The following RCL1 variants were observed in gnomAD, a reference collection of about 807,000 sequenced individuals.
RCL1 encodes RNA 3'-terminal phosphate cyclase-like protein.
RCL1 carries 24 observed loss-of-function variants against 42.4 expected under a neutral mutation model. That is an observed-to-expected ratio of 0.57 (90% CI 0.41 to 0.80). The LOEUF is 0.80. Ranked by LOEUF, RCL1 falls within the 30% of genes least tolerant of loss-of-function variation. The probability of loss-of-function intolerance (pLI) is 0.00; values close to 1 mark genes in which losing one functional copy is unlikely to be tolerated. For missense variants in RCL1, 578 were observed against 467.9 expected (o/e 1.24, Z -2.17); for synonymous variants, 228 against 177.3 (o/e 1.29, Z -2.27).
At chr9:4,843,830 A>G (rs988617764) in intron 6 of RCL1, among the ~76,000 whole-genome samples, 2 of 152,074 alleles carry the variant, frequency 1.3e-5, no homozygotes, top group African/African-American at 4.8e-5. Flanking sequence ...TGGTCAGGTG[A>G]CTCAAAGGCA....
intron 1 of RCL1, among the ~76,000 whole-genome samples, chr9:4,795,604 C>A (rs1480726371): frequency 6.6e-6 from 1 of 152,128 alleles, no homozygotes; most frequent in African/African-American, 2.4e-5. Context: ...CGTCATCTGT[C>A]CCTTTCTGAC....
At chr9:4,820,608 A>T (rs900825904) in intron 1 of RCL1, among the ~76,000 whole-genome samples, 1 of 152,142 alleles carries the variant, frequency 6.6e-6, no homozygotes, top group African/African-American at 2.4e-5. Flanking sequence ...AATTTGTAAA[A>T]ATCTGTGGGG....
At position 4,837,097 on chromosome 9, in the gene RCL1, C is replaced by T. The variant is rs919221743; in HGVS notation, c.584+2832C>T. ...GATATTCAACTCTAGTATCCAAATCCGAGGAGCTGGAATAAGGTTAATTAG... is the reference window on the plus strand; with the variant it reads ...GATATTCAACTCTAGTATCCAAATCTGAGGAGCTGGAATAAGGTTAATTAG... On this transcript the variant is annotated intron_variant, in intron 5 of 8. Coordinates refer to ENST00000381750, the MANE Select transcript of RCL1 (RefSeq NM_005772.5). Among the ~76,000 whole-genome samples, 7 of 152,120 alleles carry T rather than the reference C, an allele frequency of 4.6e-5. No homozygotes were observed. In the South Asian group the frequency reaches 8.3e-4, roughly 18 times the overall value.
intron 8 of RCL1, among the ~76,000 whole-genome samples, chr9:4,853,747 A>G (rs1327642762): frequency 6.6e-6 from 1 of 152,174 alleles, no homozygotes; most frequent in Non-Finnish European, 1.5e-5. Flanking sequence ...TCTGCTGTAA[A>G]ATGATCTCTT....
chr9:4,796,383 C>G (rs924693728), intron 1 of RCL1, among the ~76,000 whole-genome samples: 1 of 152,148 alleles, frequency 6.6e-6, no homozygotes, highest in Non-Finnish European at 1.5e-5. Context: ...GCCTCTAGCT[C>G]CATGTTGTTG....
At chr9:4,827,106 G>A (rs757781475) in intron 3 of RCL1, 73 bp downstream of exon 3, 1 of 1,601,348 alleles carries the variant, frequency 6.2e-7, no homozygotes, top group Non-Finnish European at 8.5e-7. Context: ...TGAGAAAAAA[G>A]TTCCTTATAA....
chr9:4,835,286 G>A (rs557873691), intron 5 of RCL1, among the ~76,000 whole-genome samples: 1 of 152,206 alleles, frequency 6.6e-6, no homozygotes, highest in Non-Finnish European at 1.5e-5. Context: ...AGTAAGGAGG[G>A]AAGTAAGAGT....
chr9:4,809,010 G>C (rs978140622), intron 1 of RCL1, among the ~76,000 whole-genome samples: 15 of 152,048 alleles, frequency 9.9e-5, no homozygotes, highest in African/African-American at 3.4e-4. Flanking sequence ...ATATTCCCAA[G>C]AAGCAGTCTT....
At chr9:4,834,914 A>G (rs1263458227) in intron 5 of RCL1, among the ~76,000 whole-genome samples, 1 of 152,232 alleles carries the variant, frequency 6.6e-6, no homozygotes, top group African/African-American at 2.4e-5. Flanking sequence ...TAATAATGAC[A>G]GAGCTAGGAT....
At chr9:4,855,815 A>G (rs1817940549) in intron 8 of RCL1, among the ~76,000 whole-genome samples, 1 of 152,156 alleles carries the variant, frequency 6.6e-6, no homozygotes, top group Non-Finnish European at 1.5e-5. Flanking sequence ...AGTGGAACTA[A>G]CTTTGCTTTT....
At chr9:4,841,413 A>G in intron 6 of RCL1, 56 bp downstream of exon 6, 1 of 1,436,086 alleles carries the variant, frequency 7.0e-7, no homozygotes, top group Non-Finnish European at 9.7e-7. Flanking sequence ...TGCCTGTTCT[A>G]GTTGAAGTTA....
chr9:4,804,601 C>A (rs75295629), intron 1 of RCL1: 5,034 of 152,826 alleles, frequency 0.033, 258 homozygotes, highest in African/African-American at 0.12. Context: ...GAGCTGTGGG[C>A]GGGGCCCACA....
At chr9:4,802,970 A>T (rs768155883) in intron 1 of RCL1, among the ~76,000 whole-genome samples, 2 of 151,556 alleles carry the variant, frequency 1.3e-5, no homozygotes, top group Non-Finnish European at 1.5e-5. Flanking sequence ...ACAGGTGTGT[A>T]CCACCACACT....
At chr9:4,815,105 G>T (rs1419270659) in intron 1 of RCL1, among the ~76,000 whole-genome samples, 1 of 152,082 alleles carries the variant, frequency 6.6e-6, no homozygotes, top group Non-Finnish European at 1.5e-5. Context: ...ACCCTTTTGG[G>T]TTGAATCTAT....
intron 1 of RCL1, among the ~76,000 whole-genome samples, chr9:4,811,261 C>T (rs1190308169): frequency 1.5e-5 from 2 of 129,180 alleles, no homozygotes; most frequent in East Asian, 2.2e-4. Flanking sequence ...GGCAATAGAG[C>T]AAAACCCTGT....
chr9:4,801,875 T>G lies in RCL1; in HGVS notation c.136+8648T>G, dbSNP rs1587692226. ...TTCTGGGTTCTCCATTCTGTTCCAT[T>G]GATTTATATGTCTGTCTCTTGCCAA... On this transcript the variant is annotated intron_variant, in intron 1 of 8. Coordinates refer to ENST00000381750, the MANE Select transcript of RCL1 (RefSeq NM_005772.5). 2.6e-5 allele frequency among the ~76,000 whole-genome samples: 4 copies of G among 152,016 alleles called. No homozygotes were observed. In the South Asian group the frequency reaches 8.3e-4, roughly 32 times the overall value.
intron 3 of RCL1, among the ~76,000 whole-genome samples, chr9:4,831,453 C>T (rs187946199): frequency 5.8e-4 from 89 of 152,248 alleles, no homozygotes; most frequent in African/African-American, 2.0e-3. Context: ...ACGCCAAATG[C>T]ATATATTAAG....
At chr9:4,839,766 G>C in intron 5 of RCL1, 1 of 967,990 alleles carries the variant, frequency 1.0e-6, no homozygotes, top group East Asian at 1.1e-4. Flanking sequence ...GGAGAGTTGG[G>C]AGGGATTACA....
chr9:4,858,380 C>A (rs1304022067), intron 8 of RCL1, among the ~76,000 whole-genome samples: 1 of 152,092 alleles, frequency 6.6e-6, no homozygotes, highest in African/African-American at 2.4e-5. Context: ...TTTATTTTGT[C>A]TCTTATTGCC....
Sources: gnomAD v4.1 joint callset for allele counts (sites outside exome capture counted in the v4.1 genomes callset) on GRCh38, gnomAD v4.1.1 for gene constraint, MANE v1.5 for transcripts, NCBI Gene and HGNC (gene_info 2026-07-23, HGNC 2026-07-21) for gene names.